Variants in PODN observed in about 807,000 individuals in gnomAD.
PODN encodes podocan, also known as podocan proteoglycan.
PODN carries 40 observed loss-of-function variants against 52.7 expected under a neutral mutation model. The ratio of observed to expected loss-of-function variants is 0.76; its 90% confidence interval spans 0.59 to 0.99. PODN has a LOEUF of 0.99. PODN is among the 50% of genes least tolerant of loss of function. The pLI is 0.00. For synonymous variants in PODN, 396 were observed against 377.9 expected, an observed-to-expected ratio of 1.05 and a Z score of -0.56; for missense variants, 720 against 815.1, an observed-to-expected ratio of 0.88 and a Z score of 1.42.
chr1:53,064,115 T>C (rs1643999459), intron 1 of PODN, among the ~76,000 whole-genome samples: 1 of 152,196 alleles, frequency 6.6e-6, no homozygotes, highest in African/African-American at 2.4e-5. Flanking sequence ...CACACTAATT[T>C]GCAAACTGGG....
Position 53,079,166 on chromosome 1 carries a change from C to A in PODN, c.1512+144C>A, listed in dbSNP as rs114787343. 2.6e-3 allele frequency: 2,972 copies of A among 1,159,282 alleles called. 64 individuals are homozygous for A. The African/African-American group carries it at 0.041, about 16-fold the overall frequency. The allele number at this position is 1,159,282 out of a possible 1,614,324, so 71.8% of individuals were successfully genotyped here. ...GTATGGCCAGGCTGAGCTCATTCACCTTCAGGTATCTGCTGGAGATGCTGG... is the reference window on the plus strand; with the variant it reads ...GTATGGCCAGGCTGAGCTCATTCACATTCAGGTATCTGCTGGAGATGCTGG... On this transcript the variant is annotated intron_variant, in intron 8 of 10. Transcript: ENST00000312553.
intron 1 of PODN, 141 bp downstream of exon 1, chr1:53,062,449 C>T: frequency 1.7e-6 from 1 of 590,782 alleles, no homozygotes; most frequent in Non-Finnish European, 2.5e-6. Flanking sequence ...CTGTAGGACC[C>T]TGCACCCAGG....
intron 5 of PODN, among the ~76,000 whole-genome samples, chr1:53,076,939 G>A (rs903124098): frequency 2.0e-5 from 3 of 152,206 alleles, no homozygotes; most frequent in Non-Finnish European, 4.4e-5. Context: ...AAGGCGTGGA[G>A]GGGCCTCTGC....
At chr1:53,075,290 T>C (rs1351692355) in intron 4 of PODN, among the ~76,000 whole-genome samples, 1 of 152,126 alleles carries the variant, frequency 6.6e-6, no homozygotes, top group African/African-American at 2.4e-5. Context: ...AGCTACAGCT[T>C]CCCGCCCACA....
At chr1:53,083,406 G>A (rs941490816) in intron 10 of PODN, among the ~76,000 whole-genome samples, 1 of 152,142 alleles carries the variant, frequency 6.6e-6, no homozygotes, top group African/African-American at 2.4e-5. Flanking sequence ...CTGGCCTGGA[G>A]GGGGAGTCAC....
At chr1:53,064,160 T>A (rs1262321184) in intron 1 of PODN, among the ~76,000 whole-genome samples, 1 of 152,218 alleles carries the variant, frequency 6.6e-6, no homozygotes, top group Non-Finnish European at 1.5e-5. Flanking sequence ...GATCTTTAGA[T>A]CTTTTCCAAC....
chr1:53,063,122 C>T (rs761783016), intron 1 of PODN, among the ~76,000 whole-genome samples: 41 of 152,344 alleles, frequency 2.7e-4, no homozygotes, highest in Non-Finnish European at 4.9e-4. Flanking sequence ...CGTTGGAATA[C>T]CTGACGCTCC....
At position 53,075,917 on chromosome 1, in the gene PODN, C is replaced by T; in HGVS notation, c.527C>T (p.Ala176Val). The change falls in exon 5 of 11, where the codon GCC (alanine) becomes GTC (valine). Residue 176 changes from alanine to valine, a missense_variant. Coordinates refer to ENST00000312553, the MANE Select transcript of PODN (RefSeq NM_153703.5). ...PNALISVDFA[A>V]NYLTKIYGLT... ...GCCCTGATCAGTGTGGACTTTGCTG[C>T]CAACTATCTCACCAAGATCTATGGG... The T allele has an allele frequency of 6.2e-7, 1 of 1,606,492 alleles. No individual in the cohort carries two copies. Among genetic ancestry groups the T allele is most frequent in the South Asian group, 1.1e-5 (1 of 89,586 alleles).
intron 1 of PODN, chr1:53,063,332 T>C: frequency 1.0e-6 from 1 of 984,694 alleles, no homozygotes; most frequent in Non-Finnish European, 1.2e-6. Flanking sequence ...TTGGAGTGAA[T>C]TACTGACCTG....
In PODN at chr1:53,069,955, G is replaced by A. The variant is rs1391967859; in HGVS notation, c.100G>A (p.Gly34Ser). Reference sequence around the variant, plus strand: ...GAGGGCCCCAGGATTTGGCCGAAGTGGCGGCCACAGCCTGAGCCCCGAAGA... The same window carrying A: ...GAGGGCCCCAGGATTTGGCCGAAGTAGCGGCCACAGCCTGAGCCCCGAAGA... ...AVRAPGFGRS[G>S]GHSLSPEENE... Residue 34 changes from glycine (G) to serine (S), a missense_variant, in exon 2 of 11, where the codon GGC (glycine) becomes AGC (serine). Physicochemically the swap from Gly to Ser is moderately conservative, Grantham distance 56. Coordinates refer to ENST00000312553, the MANE Select transcript of PODN (RefSeq NM_153703.5). The A allele has an allele frequency of 6.3e-7, 1 of 1,599,038 alleles. No homozygotes were observed. The highest frequency in any genetic ancestry group is 2.3e-5 in the East Asian group (1 of 44,138).
chr1:53,074,778 C>A, intron 4 of PODN, 108 bp downstream of exon 4: 1 of 920,248 alleles, frequency 1.1e-6, no homozygotes. Flanking sequence ...CCTGCTGGGT[C>A]CTTGTTGCTG....
At chr1:53,065,051 G>T (rs1644011510) in intron 1 of PODN, among the ~76,000 whole-genome samples, 1 of 152,198 alleles carries the variant, frequency 6.6e-6, no homozygotes, top group South Asian at 2.1e-4. Flanking sequence ...GGCCTTGGGG[G>T]GCTTATCTTG....
chr1:53,072,125 AAAAT>A (rs1490705846), intron 3 of PODN, among the ~76,000 whole-genome samples: 5 of 150,416 alleles, frequency 3.3e-5, no homozygotes, highest in African/African-American at 9.7e-5. Flanking sequence ...AAAATAAAAT[AAAAT>A]AAATAAAAAA....
Position 53,070,168 on chromosome 1 carries a change from G to A in PODN, c.312+1G>A, listed in dbSNP as rs112007474. On this transcript the variant is annotated splice_donor_variant, in intron 2 of 10. Coordinates refer to ENST00000312553, the MANE Select transcript of PODN (RefSeq NM_153703.5). LOFTEE classifies it high-confidence loss of function. ...GCACACCAACCACCTATCTCTGCAG[G>A]TGAGGTCGGCGTTGCACCTGTGGTC... 6.2e-7 allele frequency: 1 copy of A among 1,606,196 alleles called. No homozygotes were observed. Among genetic ancestry groups the A allele is most frequent in the Non-Finnish European group, 8.5e-7 (1 of 1,179,906 alleles).
In PODN at chr1:53,078,743, C is replaced by T. The variant is rs756998465; in HGVS notation, c.1233C>T (p.Leu411=). Residue 411 remains leucine (L), a synonymous_variant, in exon 8 of 11, where the codon CTC becomes CTT. Transcript: ENST00000312553. ...ATTYFLEELN[L]SYNRITSPQV... is the part of the protein sequence containing the mutation. ...CCTACTTCCTGGAGGAGCTCAACCT[C>T]AGCTACAACCGCATCACCAGCCCGC... 6.2e-7 allele frequency: 1 copy of T among 1,613,484 alleles called. No homozygotes were observed. Among genetic ancestry groups the T allele is most frequent in the South Asian group, 1.1e-5 (1 of 91,092 alleles).
chr1:53,066,030 C>G (rs540713963), intron 1 of PODN, among the ~76,000 whole-genome samples: 1 of 132,106 alleles, frequency 7.6e-6, no homozygotes, highest in East Asian at 2.4e-4. Context: ...CGGTCTCACT[C>G]TGTTACCCAG....
Position 53,078,545 on chromosome 1 carries a change from G to T in PODN, c.1035G>T (p.Leu345=), listed in dbSNP as rs1644231345. The T allele has an allele frequency of 6.8e-6, 11 of 1,613,048 alleles. No homozygotes were observed. The highest frequency in any genetic ancestry group is 8.5e-6 in the Non-Finnish European group (10 of 1,180,034). ...LEYLLLHSNQ[L]REQGIHPLAF... ...ACCTGCTGCTGCACAGCAACCAGCT[G>T]CGGGAGCAGGGCATCCACCCACTGG... The change falls in exon 8 of 11, where the codon CTG becomes CTT. Residue 345 remains leucine, a synonymous_variant. Transcript: ENST00000312553.
chr1:53,077,334 G>A lies in PODN; in HGVS notation c.726G>A (p.Lys242=), dbSNP rs1644209711. Residue 242 remains lysine (K), a synonymous_variant, in exon 6 of 11, where the codon AAG becomes AAA. Transcript: ENST00000312553. Reference sequence around the variant, plus strand: ...AGCACCTGCCGCCTGCCCTGTACAAGCTGCACCTCAAGGTGGGCAGGGGAG... The same window carrying A: ...AGCACCTGCCGCCTGCCCTGTACAAACTGCACCTCAAGGTGGGCAGGGGAG... The part of the protein sequence containing the change: ...VPKHLPPALY[K]LHLKNNKLEK... 1 of 1,613,038 alleles carries A rather than the reference G, an allele frequency of 6.2e-7. No individual in the cohort carries two copies. Among genetic ancestry groups the A allele is most frequent in the Admixed American group, 1.7e-5 (1 of 59,998 alleles).
chr1:53,078,318 C>T (rs759023687), intron 7 of PODN, 47 bp from the exon 8 acceptor site: 2 of 1,534,228 alleles, frequency 1.3e-6, no homozygotes, highest in Non-Finnish European at 8.9e-7. Context: ...TGGAAACGAG[C>T]ACAATGTGGG....
Sources: gnomAD v4.1 joint callset for allele counts (sites outside exome capture counted in the v4.1 genomes callset) on GRCh38, gnomAD v4.1.1 for gene constraint, MANE v1.5 for transcripts, NCBI Gene and HGNC (gene_info 2026-07-23, HGNC 2026-07-21) for gene names.